Variants in PRICKLE1 observed in about 807,000 individuals in gnomAD.
PRICKLE1 encodes the protein prickle planar cell polarity protein 1.
PRICKLE1 carries 14 observed loss-of-function variants against 70.2 expected under a neutral mutation model. The ratio of observed to expected loss-of-function variants is 0.20; its 90% CI spans 0.13 to 0.31. PRICKLE1 has a LOEUF of 0.31. Ranked by LOEUF, PRICKLE1 falls within the 10% of genes least tolerant of loss-of-function variation. The pLI is 1.00. For synonymous variants in PRICKLE1, 357 were observed against 379.9 expected (o/e 0.94, Z 0.70); for missense variants, 821 against 1,026.2 (o/e 0.80, Z 2.73).
intron 1 of PRICKLE1, among the ~76,000 whole-genome samples, chr12:42,506,411 C>A (rs1469580997): frequency 6.6e-6 from 1 of 151,154 alleles, no homozygotes; most frequent in Non-Finnish European, 1.5e-5. Context: ...CACCCACCAC[C>A]ACTCCCAGCT....
At chr12:42,495,967 C>T (rs1468609642) in intron 1 of PRICKLE1, among the ~76,000 whole-genome samples, 1 of 152,232 alleles carries the variant, frequency 6.6e-6, no homozygotes, top group African/African-American at 2.4e-5. Flanking sequence ...GATATTTTAA[C>T]ATCCTCCTGC....
chr12:42,472,980 A>G (rs1197768565), intron 1 of PRICKLE1, among the ~76,000 whole-genome samples: 1 of 152,186 alleles, frequency 6.6e-6, no homozygotes, highest in Non-Finnish European at 1.5e-5. Context: ...TGCCCCAGGA[A>G]AAATGGCTCA....
intron 1 of PRICKLE1, among the ~76,000 whole-genome samples, chr12:42,492,798 G>A (rs1275873192): frequency 3.9e-5 from 6 of 152,102 alleles, no homozygotes; most frequent in African/African-American, 4.8e-5. Context: ...TTGAGTCTGC[G>A]CTGGATTATA....
At chr12:42,475,863 G>C (rs1477802804) in intron 1 of PRICKLE1, among the ~76,000 whole-genome samples, 1 of 151,910 alleles carries the variant, frequency 6.6e-6, no homozygotes, top group Non-Finnish European at 1.5e-5. Context: ...GAGGCTGGGG[G>C]GGGGCGGGGG....
intron 1 of PRICKLE1, among the ~76,000 whole-genome samples, chr12:42,567,591 G>T (rs1275225866): frequency 6.6e-6 from 1 of 152,172 alleles, no homozygotes; most frequent in Admixed American, 6.5e-5. Context: ...ACTCTGGGAG[G>T]CTGAGGCAGA....
chr12:42,473,908 C>T (rs1247767144), intron 1 of PRICKLE1, among the ~76,000 whole-genome samples: 2 of 152,054 alleles, frequency 1.3e-5, no homozygotes, highest in Non-Finnish European at 2.9e-5. Context: ...CAGCCTGAGA[C>T]TAAGTCATTT....
intron 1 of PRICKLE1, among the ~76,000 whole-genome samples, chr12:42,546,496 T>C (rs1254319129): frequency 6.6e-6 from 1 of 152,208 alleles, no homozygotes; most frequent in Non-Finnish European, 1.5e-5. Flanking sequence ...TCTTTTAAAG[T>C]AGTGAATCTC....
At chr12:42,494,014 A>G (rs1229731008) in intron 1 of PRICKLE1, among the ~76,000 whole-genome samples, 1 of 152,272 alleles carries the variant, frequency 6.6e-6, no homozygotes, top group Non-Finnish European at 1.5e-5. Flanking sequence ...AGTGCATAGA[A>G]AAGTTATGTT....
chr12:42,487,510 C>T (rs1191358766), intron 1 of PRICKLE1, among the ~76,000 whole-genome samples: 1 of 152,182 alleles, frequency 6.6e-6, no homozygotes, highest in Non-Finnish European at 1.5e-5. Context: ...ATCCTAGGCA[C>T]CCATCCCCTC....
chr12:42,486,620 A>G (rs1038401014), intron 1 of PRICKLE1, among the ~76,000 whole-genome samples: 1 of 152,236 alleles, frequency 6.6e-6, no homozygotes, highest in Admixed American at 6.5e-5. Flanking sequence ...GAGATAAAGG[A>G]CACAGTACAA....
chr12:42,458,994 G>T lies in PRICKLE1; in HGVS notation c.*815C>A. On this transcript the variant is annotated 3_prime_UTR_variant, in exon 8 of 8. Transcript: ENST00000345127. ...TTGGAAAAAAAAATCAAAAAAAGTT[G>T]AATTTTCCATCACTAGGCAATGTAA... The T allele has an allele frequency of 3.5e-6, 1 of 286,356 alleles. No individual in the cohort carries two copies. The highest frequency in any genetic ancestry group is 6.6e-6 in the Non-Finnish European group (1 of 152,334). The allele number at this position is 286,356 out of a possible 1,614,324, so 17.7% of individuals were successfully genotyped here.
Position 42,467,185 on chromosome 12 carries a change from G to A in PRICKLE1, c.589-805C>T, listed in dbSNP as rs1252598842. Among the ~76,000 whole-genome samples the A allele has an allele frequency of 4.0e-5, 6 of 151,600 alleles. No individual in the cohort carries two copies. In the East Asian group the frequency reaches 9.7e-4, roughly 25 times the overall value. On this transcript the variant is annotated intron_variant, in intron 5 of 7. Transcript: ENST00000345127. ...CGCTGGAGTGCAATGGCGTGACCTCGGCTCACTGCAACCTCCGCCTCCTGG... is the reference window on the plus strand; with the variant it reads ...CGCTGGAGTGCAATGGCGTGACCTCAGCTCACTGCAACCTCCGCCTCCTGG...
chr12:42,567,483 T>C (rs1410969896), intron 1 of PRICKLE1, among the ~76,000 whole-genome samples: 1 of 152,204 alleles, frequency 6.6e-6, no homozygotes, highest in African/African-American at 2.4e-5. Flanking sequence ...TTCTTCTCTA[T>C]CTGTAGTATA....
chr12:42,562,640 C>T (rs879910537), intron 1 of PRICKLE1, among the ~76,000 whole-genome samples: 1 of 151,932 alleles, frequency 6.6e-6, no homozygotes, highest in Non-Finnish European at 1.5e-5. Context: ...CAAGGAAGAA[C>T]CAAAGCAAGG....
chr12:42,543,743 G>C (rs550866223), intron 1 of PRICKLE1, among the ~76,000 whole-genome samples: 17 of 152,068 alleles, frequency 1.1e-4, no homozygotes, highest in South Asian at 8.3e-4. Flanking sequence ...GGATGGTCTC[G>C]ATCTCCTGAC....
In PRICKLE1 at chr12:42,465,063, G is replaced by T; in HGVS notation, c.971C>A (p.Ser324Ter). Residue 324 changes from serine (S) to a stop codon, truncating the protein, a stop_gained, in exon 7 of 8, where the codon TCA becomes TAA. Transcript: ENST00000345127. LOFTEE classifies it high-confidence loss of function. ...TCTTCGGGAGTCTCTTGATCGAGCTGACTGAAATGCAGAGTCGGAAGAATC... is the reference window on the plus strand; with the variant it reads ...TCTTCGGGAGTCTCTTGATCGAGCTTACTGAAATGCAGAGTCGGAAGAATC... ...ASDSSDSAFQ[S>*]ARSRDSRRSV... 6.4e-7 allele frequency: 1 copy of T among 1,574,748 alleles called. No individual in the cohort carries two copies. Among genetic ancestry groups the T allele is most frequent in the Non-Finnish European group, 8.6e-7 (1 of 1,163,384 alleles).
chr12:42,559,635 T>G (rs1940470269), intron 1 of PRICKLE1, among the ~76,000 whole-genome samples: 1 of 102,272 alleles, frequency 9.8e-6, no homozygotes, highest in Non-Finnish European at 1.9e-5. Context: ...TTTTTTTTTT[T>G]TGGGGGGGGT....
intron 1 of PRICKLE1, among the ~76,000 whole-genome samples, chr12:42,546,212 A>T (rs975673823): frequency 3.3e-5 from 5 of 152,218 alleles, no homozygotes; most frequent in African/African-American, 1.2e-4. Flanking sequence ...CTCCCACCTC[A>T]TTAATATGTC....
At chr12:42,487,594 G>A (rs1939011951) in intron 1 of PRICKLE1, among the ~76,000 whole-genome samples, 1 of 152,154 alleles carries the variant, frequency 6.6e-6, no homozygotes, top group Admixed American at 6.5e-5. Context: ...TTTGAAGTTA[G>A]GAGACTTAAA....
Sources: allele counts gnomAD v4.1 joint callset (sites outside exome capture counted in the v4.1 genomes callset), GRCh38; gene constraint gnomAD v4.1.1; transcripts MANE v1.5; gene names NCBI Gene and HGNC (gene_info 2026-07-23, HGNC 2026-07-21).